The following ATF7IP variants were observed in gnomAD, a reference collection of about 807,000 sequenced individuals.
ATF7IP encodes the protein activating transcription factor 7-interacting protein 1.
A neutral mutation model predicts 106.4 loss-of-function variants in ATF7IP; 23 were observed. The ratio of observed to expected loss-of-function variants is 0.22; its 90% confidence interval spans 0.16 to 0.31. The LOEUF (loss-of-function observed/expected upper bound fraction) is 0.31. ATF7IP is among the 10% of genes least tolerant of loss of function. The pLI is 1.00. For synonymous variants in ATF7IP, 542 were observed against 539.0 expected (o/e 1.01, Z -0.08); for missense variants, 1,334 against 1,524.3 (o/e 0.88, Z 2.08).
intron 13 of ATF7IP, among the ~76,000 whole-genome samples, chr12:14,490,191 C>T (rs965402232): frequency 3.3e-5 from 5 of 152,222 alleles, no homozygotes; most frequent in African/African-American, 9.6e-5. Flanking sequence ...GGCGATGACA[C>T]GGGTGGCTGC....
chr12:14,459,894 G>T (rs1409516043), intron 8 of ATF7IP, among the ~76,000 whole-genome samples: 1 of 151,970 alleles, frequency 6.6e-6, no homozygotes, highest in African/African-American at 2.4e-5. Flanking sequence ...TGTCATCTTC[G>T]CTCAGTGCTG....
intron 2 of ATF7IP, among the ~76,000 whole-genome samples, chr12:14,429,651 T>A (rs1163005507): frequency 6.6e-6 from 1 of 152,218 alleles, no homozygotes; most frequent in Admixed American, 6.5e-5. Context: ...CTATTTTTGC[T>A]GTAGGTTAGT....
In ATF7IP at chr12:14,468,476, A is replaced by G. The variant is rs777720561; in HGVS notation, c.2862+1886A>G. 2.3e-3 allele frequency among the ~76,000 whole-genome samples: 230 copies of G among 101,362 alleles called. 1 individual carries two copies. The highest frequency in any genetic ancestry group is 2.6e-3 in the Non-Finnish European group (132 of 50,980). The allele number at this position is 101,362 out of a possible 152,430, so 66.5% of individuals were successfully genotyped here. A position where few individuals can be genotyped will look rare whatever the true frequency, so the allele number is the denominator to read the frequency against. Reference sequence around the variant, plus strand: ...GGCAGCAAAGTGAGACTCCGTCTCTATAAAAAAGAAGAAACTTAAAAAAAA... The same window carrying G: ...GGCAGCAAAGTGAGACTCCGTCTCTGTAAAAAAGAAGAAACTTAAAAAAAA... On this transcript the variant is annotated intron_variant, in intron 10 of 14. Coordinates refer to ENST00000261168, the MANE Select transcript of ATF7IP (RefSeq NM_018179.5).
intron 10 of ATF7IP, among the ~76,000 whole-genome samples, chr12:14,472,255 G>A (rs1944077508): frequency 6.6e-6 from 1 of 152,084 alleles, no homozygotes; most frequent in South Asian, 2.1e-4. Context: ...AATAGTAAAT[G>A]ATGAGACAAA....
At chr12:14,432,742 C>T (rs1435901604) in intron 2 of ATF7IP, among the ~76,000 whole-genome samples, 4 of 152,192 alleles carry the variant, frequency 2.6e-5, no homozygotes, top group Middle Eastern at 6.8e-3. Context: ...AATGTCTTAT[C>T]AGAATCTTTA....
chr12:14,430,100 G>C (rs530543263), intron 2 of ATF7IP, among the ~76,000 whole-genome samples: 7 of 152,280 alleles, frequency 4.6e-5, no homozygotes, highest in African/African-American at 1.4e-4. Flanking sequence ...TTAGGGTTGG[G>C]GAGATAAGGA....
At chr12:14,473,113 T>A (rs926911813) in intron 10 of ATF7IP, among the ~76,000 whole-genome samples, 3 of 152,190 alleles carry the variant, frequency 2.0e-5, no homozygotes, top group African/African-American at 7.2e-5. Flanking sequence ...AATATAAGTA[T>A]TGATAGGATT....
rs56229725 is a variant in ATF7IP at position 14,408,116 on chromosome 12, GCA to G, written c.-7-15768_-7-15767del. Reference sequence around the variant, plus strand: ...CACTTAAATATATAGATATTGATGTGCACACACACACACACACACACACACAA... The same window carrying G: ...CACTTAAATATATAGATATTGATGTGCACACACACACACACACACACACAA... On this transcript the variant is annotated intron_variant, in intron 1 of 14. Transcript: ENST00000261168. Among the ~76,000 whole-genome samples, 448 of 149,082 alleles carry G rather than the reference GCA, an allele frequency of 3.0e-3. 3 individuals carry two copies. Among genetic ancestry groups the G allele is most frequent in the Non-Finnish European group, 4.3e-3 (286 of 67,168 alleles).
intron 1 of ATF7IP, among the ~76,000 whole-genome samples, chr12:14,371,341 A>C (rs1025847102): frequency 1.3e-5 from 2 of 152,112 alleles, no homozygotes; most frequent in Non-Finnish European, 2.9e-5. Flanking sequence ...AAATATTAAG[A>C]TATTATTGGC....
chr12:14,411,916 T>C (rs1315242994), intron 1 of ATF7IP, among the ~76,000 whole-genome samples: 1 of 152,220 alleles, frequency 6.6e-6, no homozygotes, highest in Non-Finnish European at 1.5e-5. Context: ...ATTTTAGTTT[T>C]AGCTCTTAAA....
chr12:14,425,745 CTG>C (rs1565500974), intron 2 of ATF7IP, among the ~76,000 whole-genome samples: 2 of 152,154 alleles, frequency 1.3e-5, no homozygotes, highest in African/African-American at 2.4e-5. Flanking sequence ...CACCATAACA[CTG>C]AGATAACAGT....
At chr12:14,405,860 A>G (rs142417393) in intron 1 of ATF7IP, among the ~76,000 whole-genome samples, 3 of 152,278 alleles carry the variant, frequency 2.0e-5, no homozygotes, top group East Asian at 1.9e-4. Flanking sequence ...TAATTGTTCT[A>G]AGGTGCCTTG....
chr12:14,480,356 A>T (rs1217963925), intron 12 of ATF7IP, among the ~76,000 whole-genome samples: 1 of 152,182 alleles, frequency 6.6e-6, no homozygotes, highest in Non-Finnish European at 1.5e-5. Context: ...ATTTATTAAC[A>T]TTACTCAAAG....
intron 1 of ATF7IP, among the ~76,000 whole-genome samples, chr12:14,389,579 C>G (rs1235072008): frequency 1.3e-5 from 2 of 152,156 alleles, no homozygotes; most frequent in African/African-American, 4.8e-5. Context: ...AGCCAGCAAA[C>G]TTACTTTTAT....
rs1408652515 is a variant in ATF7IP, at chr12:14,417,986, G to C, written c.-7-5923G>C. On this transcript the variant is annotated intron_variant, in intron 1 of 14. Transcript: ENST00000261168. ...GCAGATTGTAGGCTAAGACATAACA[G>C]CTTCCCTTTGTTGTTTCATTGCTAT... 2.0e-5 allele frequency among the ~76,000 whole-genome samples: 3 copies of C among 152,178 alleles called. No homozygotes were observed. In the East Asian group the frequency reaches 5.8e-4, roughly 29 times the overall value.
chr12:14,366,806 G>T (rs1463579872), intron 1 of ATF7IP, among the ~76,000 whole-genome samples: 1 of 151,958 alleles, frequency 6.6e-6, no homozygotes, highest in African/African-American at 2.4e-5. Context: ...TTACCCTGAG[G>T]CCTCTTTGAA....
rs767707683 is a variant in ATF7IP at position 14,456,621 on chromosome 12, A to T, written c.2056A>T (p.Asn686Tyr). ...KTVNDVNSNN[N>Y]MSYRNAGTVR... ...TGTAAATGATGTCAACAGCAATAAT[A>T]ACATGTCTTACAGGTGAGAATTCAT... Residue 686 changes from asparagine to tyrosine, a missense_variant, in exon 7 of 15, where the codon AAC becomes TAC. Asn to Tyr is a moderately radical substitution (Grantham distance 143). This residue lies in a region of ATF7IP where 171 missense variants were observed against 172.6 expected (regional missense o/e 0.99). Coordinates refer to ENST00000261168, the MANE Select transcript of ATF7IP (RefSeq NM_018179.5). The T allele has an allele frequency of 1.9e-5, 31 of 1,609,066 alleles. No homozygotes were observed. The highest frequency in any genetic ancestry group is 2.6e-5 in the Non-Finnish European group (31 of 1,176,584).
At chr12:14,407,712 T>G (rs903636615) in intron 1 of ATF7IP, among the ~76,000 whole-genome samples, 15 of 152,132 alleles carry the variant, frequency 9.9e-5, no homozygotes, top group African/African-American at 3.4e-4. Flanking sequence ...ATGTGCATGG[T>G]TAACTTTTAC....
At chr12:14,452,157 C>A (rs1192409840) in intron 6 of ATF7IP, among the ~76,000 whole-genome samples, 3 of 152,224 alleles carry the variant, frequency 2.0e-5, no homozygotes, top group African/African-American at 7.2e-5. Context: ...ATAAGTATGG[C>A]CCATCCTTAC....
Sources: allele counts gnomAD v4.1 joint callset (sites outside exome capture counted in the v4.1 genomes callset), GRCh38; gene constraint gnomAD v4.1.1; regional missense constraint gnomAD v4.1.1; transcripts MANE v1.5; gene names NCBI Gene and HGNC (gene_info 2026-07-23, HGNC 2026-07-21).